The following TBCD variants were observed in gnomAD, a reference collection of about 807,000 sequenced individuals.
The protein encoded by TBCD is tubulin-specific chaperone D.
In TBCD, 105 loss-of-function variants were observed where a neutral mutation model predicts 169.3. That is an observed-to-expected ratio of 0.62 (90% CI 0.53 to 0.73). The LOEUF (loss-of-function observed/expected upper bound fraction) is 0.73. Ranked by LOEUF, TBCD falls within the 30% of genes least tolerant of loss-of-function variation. TBCD has a pLI of 0.00. For synonymous variants in TBCD, 700 were observed against 643.9 expected (o/e 1.09, Z -1.32); for missense variants, 1,444 against 1,600.1 (o/e 0.90, Z 1.66).
intron 13 of TBCD, among the ~76,000 whole-genome samples, chr17:82,855,855 T>C (rs2145726504): frequency 6.6e-6 from 1 of 152,318 alleles, no homozygotes; most frequent in Non-Finnish European, 1.5e-5. Context: ...CGTTTACTTA[T>C]TCTGAGAATT....
chr17:82,771,442 G>A (rs1454217672), intron 5 of TBCD, among the ~76,000 whole-genome samples: 4 of 149,332 alleles, frequency 2.7e-5, no homozygotes, highest in African/African-American at 4.9e-5. Flanking sequence ...TTTTTGAGAT[G>A]GAGTCTTGCC....
At chr17:82,823,730 A>AAT (rs1276217884) in intron 13 of TBCD, among the ~76,000 whole-genome samples, 1 of 152,174 alleles carries the variant, frequency 6.6e-6, no homozygotes, top group Non-Finnish European at 1.5e-5. Flanking sequence ...ACCCATTTAA[A>AAT]ATATATAGTT....
intron 17 of TBCD, among the ~76,000 whole-genome samples, chr17:82,900,161 G>GC (rs1190078911): frequency 1.3e-5 from 2 of 152,126 alleles, no homozygotes; most frequent in African/African-American, 2.4e-5. Context: ...TCACCCTGGA[G>GC]CCCCCCCATG....
rs924472066 is a variant in TBCD at position 82,884,992 on chromosome 17, G to GT, written c.1533+791dup. The stretch of plus-strand genomic sequence containing the variant: ...GATGGAGGGGTGAGGTTGGCTTTTG[G>GT]TGATGGGGTGGGCCCCACAGTTCCT... On this transcript the variant is annotated intron_variant, in intron 15 of 38. Coordinates refer to ENST00000355528, the MANE Select transcript of TBCD (RefSeq NM_005993.5). This position sits in a 1 kb window ranked among gnomAD's most constrained non-coding sequence, Gnocchi z 4.2. 2 of 152,400 alleles carry GT rather than the reference G, an allele frequency of 1.3e-5. No individual in the cohort carries two copies. The highest frequency in any genetic ancestry group is 2.9e-5 in the Non-Finnish European group (2 of 68,194). The allele number at this position is 152,400 out of a possible 1,614,324, so 9.4% of individuals were successfully genotyped here. A position where few individuals can be genotyped will look rare whatever the true frequency, so the allele number is the denominator to read the frequency against.
chr17:82,845,154 C>A (rs1421549033), intron 13 of TBCD, among the ~76,000 whole-genome samples: 2 of 152,184 alleles, frequency 1.3e-5, no homozygotes, highest in African/African-American at 4.8e-5. Flanking sequence ...GGCACACAGG[C>A]TGGAAGTGCA....
chr17:82,942,363 C>T, intron 38 of TBCD, 86 bp from the exon 39 acceptor site: 1 of 1,591,304 alleles, frequency 6.3e-7, no homozygotes, highest in Middle Eastern at 1.7e-4. Context: ...AGTCCCCACA[C>T]AGGGCCCAGA....
intron 18 of TBCD, among the ~76,000 whole-genome samples, chr17:82,902,168 G>A (rs1047045142): frequency 2.6e-5 from 4 of 152,146 alleles, no homozygotes; most frequent in Non-Finnish European, 5.9e-5. Flanking sequence ...TTATCTTTGC[G>A]GAACGGCCCT....
intron 13 of TBCD, among the ~76,000 whole-genome samples, chr17:82,823,540 C>G (rs1000902061): frequency 6.9e-6 from 1 of 145,734 alleles, no homozygotes; most frequent in Non-Finnish European, 1.5e-5. Context: ...CTCCCTCCCT[C>G]CCTCCCTGTA....
chr17:82,940,481 G>A (rs534016998), intron 37 of TBCD, among the ~76,000 whole-genome samples: 4 of 152,288 alleles, frequency 2.6e-5, no homozygotes, highest in South Asian at 2.1e-4. Flanking sequence ...CGTAGGTGAC[G>A]TTCCCTAGGT....
intron 13 of TBCD, among the ~76,000 whole-genome samples, chr17:82,816,074 A>AC (rs1439380287): frequency 6.6e-6 from 1 of 150,960 alleles, no homozygotes; most frequent in African/African-American, 2.4e-5. Context: ...TCTCCCCAGC[A>AC]CCCCCGCCCT....
In TBCD at chr17:82,942,488, A is replaced by T. The variant is rs141936756; in HGVS notation, c.*25A>T. The T allele has an allele frequency of 2.5e-4, 407 of 1,613,234 alleles. 4 individuals are homozygous for T. In the East Asian group the frequency reaches 8.9e-3, roughly 35 times the overall value. The stretch of plus-strand genomic sequence containing the variant: ...AAGCCAGTCCTGGAGCCCATACCTC[A>T]CCCCTGCCTGGTGAGGATGTCTTGT... On this transcript the variant is annotated 3_prime_UTR_variant, in exon 39 of 39. Coordinates refer to ENST00000355528, the MANE Select transcript of TBCD (RefSeq NM_005993.5).
intron 13 of TBCD, among the ~76,000 whole-genome samples, chr17:82,846,365 T>C (rs530305645): frequency 1.3e-5 from 2 of 151,514 alleles, no homozygotes; most frequent in African/African-American, 4.8e-5. Context: ...CTCCATGCGC[T>C]GTGTCCCATG....
intron 13 of TBCD, among the ~76,000 whole-genome samples, chr17:82,846,279 T>G (rs8069035): frequency 2.5e-5 from 2 of 78,634 alleles, no homozygotes; most frequent in South Asian, 3.8e-4. Context: ...TGTGTCCTCT[T>G]GTCCAGCCCT....
intron 34 of TBCD, among the ~76,000 whole-genome samples, chr17:82,933,617 C>CT (rs35966154): frequency 0.24 from 35,429 of 150,110 alleles, 4,132 homozygotes; most frequent in Middle Eastern, 0.29. Flanking sequence ...GGGGGCACTG[C>CT]TTTTTTTTTG....
At chr17:82,783,869 A>G (rs2049118202) in intron 7 of TBCD, among the ~76,000 whole-genome samples, 1 of 152,030 alleles carries the variant, frequency 6.6e-6, no homozygotes, top group African/African-American at 2.4e-5. Flanking sequence ...TCATGCCTAT[A>G]ATCCCAGCAC....
At chr17:82,787,161 C>T (rs572361073) in intron 7 of TBCD, among the ~76,000 whole-genome samples, 136 of 152,222 alleles carry the variant, frequency 8.9e-4, no homozygotes, top group Middle Eastern at 3.4e-3. Context: ...CCCTGTGCCA[C>T]CCCCCGGCAT....
At chr17:82,836,021 A>G (rs2053940605) in intron 13 of TBCD, among the ~76,000 whole-genome samples, 1 of 152,244 alleles carries the variant, frequency 6.6e-6, no homozygotes, top group African/African-American at 2.4e-5. Flanking sequence ...CACAGAAGCT[A>G]CAAGGCACCG....
In TBCD at chr17:82,910,395, TCGTG is replaced by T. The variant is rs2060546358; in HGVS notation, c.2006+1089_2006+1092del. 3.9e-5 allele frequency among the ~76,000 whole-genome samples: 6 copies of T among 152,338 alleles called. No homozygotes were observed. The South Asian group carries it at 1.2e-3, about 32-fold the overall frequency. On this transcript the variant is annotated intron_variant, in intron 22 of 38. Transcript: ENST00000355528. ...TGCTGACGAAGCATTCCTGGGTCTTTCGTGAAGTTTTTTGCTCATTAAAAAGTTC... is the reference window on the plus strand; with the variant it reads ...TGCTGACGAAGCATTCCTGGGTCTTTAAGTTTTTTGCTCATTAAAAAGTTC...
Position 82,833,652 on chromosome 17 carries a change from A to G in TBCD, c.1318+18718A>G, listed in dbSNP as rs1025134450. 2.0e-5 allele frequency among the ~76,000 whole-genome samples: 3 copies of G among 152,196 alleles called. No homozygotes were observed. The highest frequency in any genetic ancestry group is 4.4e-5 in the Non-Finnish European group (3 of 68,030). ...CCTGCCCGTCCAGATGCACCACCAAATGGAAGAACCAAAGCTTTGCCACAC... is the reference window on the plus strand; with the variant it reads ...CCTGCCCGTCCAGATGCACCACCAAGTGGAAGAACCAAAGCTTTGCCACAC... On this transcript the variant is annotated intron_variant, in intron 13 of 38. Coordinates refer to ENST00000355528, the MANE Select transcript of TBCD (RefSeq NM_005993.5). This position sits in a 1 kb window ranked among gnomAD's most constrained non-coding sequence, Gnocchi z 4.7.
Sources: gnomAD v4.1 joint callset for allele counts (sites outside exome capture counted in the v4.1 genomes callset) on GRCh38, gnomAD v4.1.1 for gene constraint, Gnocchi (gnomAD v3.1) non-coding constraint, MANE v1.5 for transcripts, NCBI Gene and HGNC (gene_info 2026-07-23, HGNC 2026-07-21) for gene names.